The following MFAP3 variants were observed in gnomAD, a reference collection of about 807,000 sequenced individuals.
MFAP3 encodes microfibril associated protein 3, also known as microfibril-associated glycoprotein 3.
Under a neutral mutation model 20.5 loss-of-function variants are expected in MFAP3, and 8 were observed. The ratio of observed to expected loss-of-function variants is 0.39; its 90% CI spans 0.23 to 0.70. The LOEUF (loss-of-function observed/expected upper bound fraction) is 0.70, where lower values mean the gene tolerates loss of function less well. MFAP3 is among the 30% of genes least tolerant of loss of function. The probability of loss-of-function intolerance (pLI) is 0.44; values close to 1 mark genes in which losing one functional copy is unlikely to be tolerated. For synonymous variants in MFAP3, 140 were observed against 154.0 expected (o/e 0.91, Z 0.67); for missense variants, 398 against 444.6 (o/e 0.90, Z 0.94).
At chr5:154,047,454 G>T (rs1042763005) in intron 1 of MFAP3, among the ~76,000 whole-genome samples, 22 of 152,190 alleles carry the variant, frequency 1.4e-4, no homozygotes, top group African/African-American at 5.1e-4. Flanking sequence ...AAAGGAAGGA[G>T]ATGGCAGGTT....
In MFAP3 at chr5:154,042,116, C is replaced by G. The variant is rs992214972; in HGVS notation, c.-167+3105C>G. 2.0e-5 allele frequency among the ~76,000 whole-genome samples: 3 copies of G among 152,160 alleles called. No individual in the cohort carries two copies. In the South Asian group the frequency reaches 6.2e-4, roughly 31 times the overall value. On this transcript the variant is annotated intron_variant, in intron 1 of 2. Transcript: ENST00000522782. ...AAGAATTGTCTGGCTATTATCTAAG[C>G]TGTTCATAAGCTGAACAAGTAGATC... is the stretch of plus-strand genomic sequence containing the variant.
chr5:154,040,389 C>A (rs542307345), intron 1 of MFAP3, among the ~76,000 whole-genome samples: 2 of 152,270 alleles, frequency 1.3e-5, no homozygotes, highest in African/African-American at 4.8e-5. Flanking sequence ...TAATGTCTGG[C>A]TGAATAAAAG....
At chr5:154,043,485 A>C in intron 1 of MFAP3, among the ~76,000 whole-genome samples, 1 of 151,636 alleles carries the variant, frequency 6.6e-6, no homozygotes, top group African/African-American at 2.4e-5. Context: ...TGGGGGGTGG[A>C]GGTTGCAGTG....
At chr5:154,051,448 A>G (rs113716730) in intron 2 of MFAP3, among the ~76,000 whole-genome samples, 3,663 of 152,340 alleles carry the variant, frequency 0.024, 97 homozygotes, top group African/African-American at 0.06. Context: ...ATTAAATTTT[A>G]TGAATCTCAA....
At chr5:154,050,055 T>C in intron 2 of MFAP3, 38 bp downstream of exon 2, 1 of 1,541,062 alleles carries the variant, frequency 6.5e-7, no homozygotes, top group Non-Finnish European at 8.7e-7. Flanking sequence ...GGTTACTCAT[T>C]TCCTGTTCTG....
Position 154,049,634 on chromosome 5 carries a change from C to A in MFAP3, c.-89C>A. ...ACCACTTGTTTGGAAAATTTCTCTA[C>A]CAAGCAATAAATTACCCGCTGTGCT... On this transcript the variant is annotated 5_prime_UTR_variant, in exon 2 of 3. Coordinates refer to ENST00000522782, the MANE Select transcript of MFAP3 (RefSeq NM_005927.5). 1 of 1,318,328 alleles carries A rather than the reference C, an allele frequency of 7.6e-7. No homozygotes were observed. Among genetic ancestry groups the A allele is most frequent in the Non-Finnish European group, 1.0e-6 (1 of 961,044 alleles). The allele number at this position is 1,318,328 out of a possible 1,614,324, so 81.7% of individuals were successfully genotyped here.
At position 154,053,720 on chromosome 5, in the gene MFAP3, A is replaced by G. The variant is rs565161155; in HGVS notation, c.*7A>G. The G allele has an allele frequency of 2.4e-5, 39 of 1,602,310 alleles. No individual in the cohort carries two copies. Among genetic ancestry groups the G allele is most frequent in the Non-Finnish European group, 2.8e-5 (33 of 1,172,986 alleles). On this transcript the variant is annotated 3_prime_UTR_variant, in exon 3 of 3. Coordinates refer to ENST00000522782, the MANE Select transcript of MFAP3 (RefSeq NM_005927.5). ...TGAAAACTGTCAGCTGTAACCTACA[A>G]TGCTGTAACCCAGTACCTACAAAAT...
At chr5:154,039,749 T>C (rs970501351) in intron 1 of MFAP3, among the ~76,000 whole-genome samples, 1 of 152,178 alleles carries the variant, frequency 6.6e-6, no homozygotes, top group African/African-American at 2.4e-5. Flanking sequence ...TAGTAAAATA[T>C]TAAAATCAAT....
At position 154,055,513 on chromosome 5, in the gene MFAP3, A is replaced by G. The variant is rs901754552; in HGVS notation, c.*1800A>G. 1.3e-5 allele frequency among the ~76,000 whole-genome samples: 2 copies of G among 152,196 alleles called. No individual in the cohort carries two copies. Among genetic ancestry groups the G allele is most frequent in the Non-Finnish European group, 2.9e-5 (2 of 68,036 alleles). Reference sequence around the variant, plus strand: ...AGCCAAAGCTTGCCTTGGCTCATAGACTGGTATTTCTTTAAGGAAAATTGT... The same window carrying G: ...AGCCAAAGCTTGCCTTGGCTCATAGGCTGGTATTTCTTTAAGGAAAATTGT... On this transcript the variant is annotated 3_prime_UTR_variant, in exon 3 of 3. Transcript: ENST00000522782.
At chr5:154,041,828 C>A (rs1463466848) in intron 1 of MFAP3, among the ~76,000 whole-genome samples, 2 of 152,164 alleles carry the variant, frequency 1.3e-5, no homozygotes, top group Non-Finnish European at 1.5e-5. Flanking sequence ...ACAGAGACAA[C>A]AGGACTTAAT....
Position 154,053,790 on chromosome 5 carries a change from A to G in MFAP3, c.*77A>G, listed in dbSNP as rs1773264677. The G allele has an allele frequency of 2.2e-6, 3 of 1,388,718 alleles. No homozygotes were observed. Among genetic ancestry groups the G allele is most frequent in the Non-Finnish European group, 2.9e-6 (3 of 1,019,446 alleles). The allele number at this position is 1,388,718 out of a possible 1,614,324, so 86.0% of individuals were successfully genotyped here. On this transcript the variant is annotated 3_prime_UTR_variant, in exon 3 of 3. Transcript: ENST00000522782. ...GAACCTGTTTCTTAGAAGAAGTAAC[A>G]TTTTTGCCAAAAGATGACTGGGGTT...
At chr5:154,041,540 G>C (rs1421370663) in intron 1 of MFAP3, among the ~76,000 whole-genome samples, 1 of 152,182 alleles carries the variant, frequency 6.6e-6, no homozygotes, top group Non-Finnish European at 1.5e-5. Context: ...GTACATAGAG[G>C]CACCTCTGGG....
At position 154,049,899 on chromosome 5, in the gene MFAP3, T is replaced by C. The variant is rs690592; in HGVS notation, c.177T>C (p.Asp59=). 1,043,570 of 1,613,314 alleles carry C rather than the reference T, an allele frequency of 0.65. 340,427 individuals are homozygous for C. Among genetic ancestry groups the C allele is most frequent in the East Asian group, 0.87 (39,181 of 44,850 alleles). Reference sequence around the variant, plus strand: ...CAGCAAGTTCCCACTCGGATGATGATGTCATCATAGCCAAAGAGGGAACTA... The same window carrying C: ...CAGCAAGTTCCCACTCGGATGATGACGTCATCATAGCCAAAGAGGGAACTA... The part of the protein sequence containing the change: ...ELSASSHSDD[D]VIIAKEGTSV... Residue 59 remains aspartate, a synonymous_variant, in exon 2 of 3, where the codon GAT becomes GAC. Transcript: ENST00000522782.
intron 2 of MFAP3, among the ~76,000 whole-genome samples, chr5:154,052,154 G>A (rs559610814): frequency 1.9e-4 from 29 of 152,230 alleles, no homozygotes; most frequent in Middle Eastern, 3.4e-3. Flanking sequence ...GTGTGGAAGA[G>A]AGGCAGTATG....
intron 1 of MFAP3, among the ~76,000 whole-genome samples, chr5:154,040,649 A>G (rs767351338): frequency 1.7e-4 from 26 of 152,236 alleles, no homozygotes; most frequent in Non-Finnish European, 2.1e-4. Context: ...TAAATCAATA[A>G]ACCTATATGC....
chr5:154,044,466 A>G (rs762795983), intron 1 of MFAP3, among the ~76,000 whole-genome samples: 9 of 152,232 alleles, frequency 5.9e-5, no homozygotes, highest in Non-Finnish European at 8.8e-5. Flanking sequence ...TATATCCGTT[A>G]GTCTTTCAAA....
chr5:154,048,210 T>G (rs966366705), intron 1 of MFAP3, among the ~76,000 whole-genome samples: 1 of 152,174 alleles, frequency 6.6e-6, no homozygotes, highest in African/African-American at 2.4e-5. Context: ...TTTAGTGTCC[T>G]TTTTGTGCGG....
At chr5:154,047,486 A>G (rs1773093480) in intron 1 of MFAP3, among the ~76,000 whole-genome samples, 1 of 152,210 alleles carries the variant, frequency 6.6e-6, no homozygotes, top group Non-Finnish European at 1.5e-5. Context: ...TGGCATTAAA[A>G]TAAACTGGAG....
intron 1 of MFAP3, among the ~76,000 whole-genome samples, chr5:154,048,901 GT>G (rs1427404446): frequency 6.6e-6 from 1 of 152,144 alleles, no homozygotes; most frequent in African/African-American, 2.4e-5. Flanking sequence ...AGAAAATTCT[GT>G]TGTCTAATGT....
Sources: gnomAD v4.1 joint callset for allele counts (sites outside exome capture counted in the v4.1 genomes callset) on GRCh38, gnomAD v4.1.1 for gene constraint, MANE v1.5 for transcripts, NCBI Gene and HGNC (gene_info 2026-07-23, HGNC 2026-07-21) for gene names.